The following TECRL variants were observed in gnomAD, a reference collection of about 807,000 sequenced individuals.
The protein encoded by TECRL is trans-2,3-enoyl-CoA reductase like.
In TECRL, 63 loss-of-function variants were observed where a neutral mutation model predicts 52.8. The ratio of observed to expected loss-of-function variants is 1.19; its 90% confidence interval spans 0.97 to 1.47. TECRL has a LOEUF of 1.47. Ranked by LOEUF, TECRL falls within the 40% of genes most tolerant of loss-of-function variation. The probability of loss-of-function intolerance (pLI) is 0.00; values close to 1 mark genes in which losing one functional copy is unlikely to be tolerated. For missense variants in TECRL, 482 were observed against 429.6 expected (o/e 1.12, Z -1.08); for synonymous variants, 164 against 141.9 (o/e 1.16, Z -1.10).
At position 64,409,188 on chromosome 4, in the gene TECRL, G is replaced by C; in HGVS notation, c.164C>G (p.Ser55Ter). 1 of 1,550,016 alleles carries C rather than the reference G, an allele frequency of 6.5e-7. No individual in the cohort carries two copies. Among genetic ancestry groups the C allele is most frequent in the African/African-American group, 1.4e-5 (1 of 73,080 alleles). The change falls in exon 1 of 12, where the codon TCA (serine) becomes TGA (stop). Residue 55 changes from serine (S) to a stop codon, truncating the protein, a stop_gained. Coordinates refer to ENST00000381210, the MANE Select transcript of TECRL (RefSeq NM_001010874.5). LOFTEE classifies it high-confidence loss of function. ...PLRPTPAVKH[S>*]KTTHFEIEIF... is the part of the protein sequence containing the mutation. ...TTCAATCTCAAAGTGAGTCGTTTTTGAATGTTTGACTGCTGGAGTTGGTCT... is the reference window on the plus strand; with the variant it reads ...TTCAATCTCAAAGTGAGTCGTTTTTCAATGTTTGACTGCTGGAGTTGGTCT...
At chr4:64,374,052 CAT>C (rs77300773) in intron 2 of TECRL, among the ~76,000 whole-genome samples, 7,374 of 105,678 alleles carry the variant, frequency 0.07, 364 homozygotes, top group African/African-American at 0.15. Context: ...ATAGTAGATA[CAT>C]ATATATATAT....
chr4:64,362,373 A>G (rs184975608), intron 2 of TECRL, among the ~76,000 whole-genome samples: 3 of 152,142 alleles, frequency 2.0e-5, no homozygotes, highest in Admixed American at 6.6e-5. Flanking sequence ...GCTATGAAAA[A>G]CAACCATCCC....
chr4:64,359,938 G>A (rs1223549731), intron 2 of TECRL, among the ~76,000 whole-genome samples: 1 of 152,044 alleles, frequency 6.6e-6, no homozygotes, highest in African/African-American at 2.4e-5. Context: ...GACGCACAAA[G>A]AAAATACAGG....
chr4:64,325,606 G>A (rs940124954), intron 3 of TECRL, among the ~76,000 whole-genome samples: 5 of 152,116 alleles, frequency 3.3e-5, no homozygotes, highest in Admixed American at 6.6e-5. Context: ...GGATCAAGGT[G>A]AAGGCTTTGA....
At chr4:64,356,356 G>A (rs1720768928) in intron 2 of TECRL, among the ~76,000 whole-genome samples, 2 of 152,042 alleles carry the variant, frequency 1.3e-5, no homozygotes, top group East Asian at 3.9e-4. Flanking sequence ...TGAGATAGAG[G>A]AAGGCCACTG....
intron 2 of TECRL, among the ~76,000 whole-genome samples, chr4:64,363,644 A>C (rs552467618): frequency 1.3e-5 from 2 of 152,288 alleles, no homozygotes; most frequent in East Asian, 1.9e-4. Context: ...ATGCTGAGAA[A>C]GGTAAAAACA....
At chr4:64,291,419 C>G (rs1043594340) in intron 8 of TECRL, among the ~76,000 whole-genome samples, 1 of 151,910 alleles carries the variant, frequency 6.6e-6, no homozygotes, top group Non-Finnish European at 1.5e-5. Flanking sequence ...GTACATCTTT[C>G]AACTTAGACA....
At chr4:64,297,451 G>A (rs1577823077) in intron 8 of TECRL, among the ~76,000 whole-genome samples, 1 of 151,036 alleles carries the variant, frequency 6.6e-6, no homozygotes, top group African/African-American at 2.4e-5. Flanking sequence ...CAAAAAAATA[G>A]CATTTACAAT....
intron 1 of TECRL, among the ~76,000 whole-genome samples, chr4:64,407,814 T>C (rs2109801403): frequency 6.7e-6 from 1 of 149,820 alleles, no homozygotes; most frequent in Admixed American, 6.7e-5. Flanking sequence ...AAAATATTTG[T>C]GTAATATATT....
chr4:64,338,219 G>A (rs1399884635), intron 2 of TECRL, among the ~76,000 whole-genome samples: 2 of 152,116 alleles, frequency 1.3e-5, no homozygotes. Context: ...TGGGAAAACT[G>A]GCTAGCCATA....
intron 2 of TECRL, among the ~76,000 whole-genome samples, chr4:64,365,836 G>C (rs557745390): frequency 2.0e-5 from 3 of 152,054 alleles, no homozygotes; most frequent in Admixed American, 6.6e-5. Flanking sequence ...TGTTATTCAT[G>C]TCAAACTACC....
intron 7 of TECRL, among the ~76,000 whole-genome samples, chr4:64,300,992 C>A (rs1723987003): frequency 6.6e-6 from 1 of 150,390 alleles, no homozygotes; most frequent in African/African-American, 2.4e-5. Context: ...TTTTCTTGAG[C>A]TAGAAATTTA....
intron 1 of TECRL, among the ~76,000 whole-genome samples, chr4:64,391,637 T>C (rs2109748160): frequency 6.6e-6 from 1 of 152,020 alleles, no homozygotes; most frequent in South Asian, 2.1e-4. Flanking sequence ...CTGTCTCTAT[T>C]CTCAATATTA....
At chr4:64,353,588 C>T (rs73230425) in intron 2 of TECRL, among the ~76,000 whole-genome samples, 1,728 of 151,952 alleles carry the variant, frequency 0.011, 44 homozygotes, top group African/African-American at 0.04. Flanking sequence ...AATTAGTATT[C>T]GTTGAATAAG....
intron 2 of TECRL, among the ~76,000 whole-genome samples, chr4:64,345,907 C>CAAAAGAAAAAAA (rs1719924447): frequency 4.3e-5 from 1 of 23,350 alleles, no homozygotes; most frequent in Non-Finnish European, 6.8e-5. Flanking sequence ...GCCTCAACAG[C>CAAAAGAAAAAAA]AAAAAAAAAA....
At chr4:64,356,489 G>A (rs1416425026) in intron 2 of TECRL, among the ~76,000 whole-genome samples, 1 of 152,186 alleles carries the variant, frequency 6.6e-6, no homozygotes, top group Non-Finnish European at 1.5e-5. Flanking sequence ...CAGCAATGCT[G>A]CTTTGTTATT....
chr4:64,392,931 G>A (rs185697515), intron 1 of TECRL, among the ~76,000 whole-genome samples: 2 of 151,966 alleles, frequency 1.3e-5, no homozygotes, highest in African/African-American at 4.8e-5. Context: ...ATGTAAATAT[G>A]TCTTCCAGCA....
intron 9 of TECRL, among the ~76,000 whole-genome samples, chr4:64,282,138 G>T (rs1017834801): frequency 3.3e-5 from 5 of 151,796 alleles, no homozygotes; most frequent in Admixed American, 6.6e-5. Context: ...CAGCAGTCAG[G>T]ATTGATAGTT....
At chr4:64,375,134 CATT>C in intron 2 of TECRL, 35 bp downstream of exon 2, 3 of 1,059,616 alleles carry the variant, frequency 2.8e-6, no homozygotes, top group Non-Finnish European at 3.9e-6. Context: ...GAAAATAAAA[CATT>C]ATGATGTAAA....
Sources: allele counts gnomAD v4.1 joint callset (sites outside exome capture counted in the v4.1 genomes callset), GRCh38; gene constraint gnomAD v4.1.1; transcripts MANE v1.5; gene names NCBI Gene and HGNC (gene_info 2026-07-23, HGNC 2026-07-21).